Variants in SLC38A12 observed in about 807,000 individuals in gnomAD.
SLC38A12 encodes the protein putative sodium-coupled neutral amino acid transporter 12.
the SLC38A12 span, among the ~76,000 whole-genome samples, chr17:74,788,503 A>AGTATCACGTCTGCCCCC: frequency 6.6e-6 from 1 of 152,126 alleles, no homozygotes; most frequent in Non-Finnish European, 1.5e-5. Flanking sequence ...GGCTTGTCCC[A>AGTATCACGTCTGCCCCC]GTATCACGTC....
chr17:74,795,243 C>A, the SLC38A12 span: 1 of 775,956 alleles, frequency 1.3e-6, no homozygotes, highest in South Asian at 1.5e-5. Context: ...ATGCCCAGGC[C>A]CTTTTCTGCA....
At chr17:74,785,064 C>T in the SLC38A12 span, among the ~76,000 whole-genome samples, 3 of 152,084 alleles carry the variant, frequency 2.0e-5, no homozygotes, top group Admixed American at 6.5e-5. Flanking sequence ...GTCACATGCT[C>T]AGTGATCTTG....
the SLC38A12 span, among the ~76,000 whole-genome samples, chr17:74,815,797 G>A: frequency 6.6e-6 from 1 of 152,140 alleles, no homozygotes; most frequent in Non-Finnish European, 1.5e-5. Context: ...TCCATGGCTG[G>A]GCAGCTGACT....
the SLC38A12 span, chr17:74,795,156 T>G: frequency 6.6e-7 from 1 of 1,521,846 alleles, no homozygotes; most frequent in South Asian, 1.1e-5. Context: ...CCAAAGGGGC[T>G]TCCTCAGCAA....
chr17:74,805,074 A>C, the SLC38A12 span, among the ~76,000 whole-genome samples: 4 of 152,252 alleles, frequency 2.6e-5, no homozygotes, highest in Non-Finnish European at 4.4e-5. The surrounding 1 kb of genome is among the most constrained non-coding windows in gnomAD (Gnocchi z 5.0). Context: ...CCGCATTTTC[A>C]ACCAGTTCTG....
At chr17:74,839,244 CG>C in the SLC38A12 span, 1 of 1,390,964 alleles carries the variant, frequency 7.2e-7, no homozygotes, top group Non-Finnish European at 9.5e-7. Flanking sequence ...GGCACCATGA[CG>C]GGCCCCTAGC....
the SLC38A12 span, chr17:74,819,977 G>A: frequency 4.0e-6 from 3 of 743,674 alleles, no homozygotes; most frequent in East Asian, 7.9e-5. Context: ...AGGCCTGTCT[G>A]GTCCTCCCAC....
chr17:74,824,340 A>G, the SLC38A12 span, among the ~76,000 whole-genome samples: 1 of 152,190 alleles, frequency 6.6e-6, no homozygotes, highest in Non-Finnish European at 1.5e-5. Context: ...CAGGTAGACC[A>G]GGGATGCTGA....
chr17:74,824,268 C>A, the SLC38A12 span, among the ~76,000 whole-genome samples: 7 of 152,316 alleles, frequency 4.6e-5, no homozygotes, highest in South Asian at 1.2e-3. Context: ...AAGCTCTGAG[C>A]TGGGAGAATG....
the SLC38A12 span, among the ~76,000 whole-genome samples, chr17:74,812,821 C>T: frequency 6.6e-6 from 1 of 152,168 alleles, no homozygotes; most frequent in South Asian, 2.1e-4. Context: ...CAGAGAAATC[C>T]CCATCAGCCC....
At chr17:74,788,416 C>G in the SLC38A12 span, among the ~76,000 whole-genome samples, 4 of 152,126 alleles carry the variant, frequency 2.6e-5, no homozygotes, top group African/African-American at 9.7e-5. Flanking sequence ...GCTGGGGGGC[C>G]CTTTGTGAAC....
At chr17:74,836,309 C>T in the SLC38A12 span, 5 of 1,612,908 alleles carry the variant, frequency 3.1e-6, no homozygotes, top group Non-Finnish European at 4.2e-6. The surrounding 1 kb of genome is among the most constrained non-coding windows in gnomAD (Gnocchi z 4.2). Context: ...ACTTCCCCAT[C>T]ATTGCCGTGA....
At chr17:74,779,325 C>T in the SLC38A12 span, among the ~76,000 whole-genome samples, 1 of 152,116 alleles carries the variant, frequency 6.6e-6, no homozygotes, top group East Asian at 1.9e-4. Flanking sequence ...TCCATCTCCT[C>T]TGTGTTTTAT....
chr17:74,819,629 G>A, the SLC38A12 span: 1 of 895,248 alleles, frequency 1.1e-6, no homozygotes, highest in Non-Finnish European at 1.8e-6. Context: ...CAGTCCAGGT[G>A]TGCCCAAGTC....
the SLC38A12 span, among the ~76,000 whole-genome samples, chr17:74,830,835 G>A: frequency 1.3e-5 from 2 of 152,188 alleles, no homozygotes; most frequent in African/African-American, 2.4e-5. Flanking sequence ...GTCAGTGTGC[G>A]AGGGAGGGGA....
the SLC38A12 span, chr17:74,837,758 C>A: frequency 2.0e-6 from 2 of 985,876 alleles, no homozygotes; most frequent in African/African-American, 3.5e-5. Flanking sequence ...CAGCCATGCA[C>A]GCACTTGCTG....
At chr17:74,794,345 G>A in the SLC38A12 span, among the ~76,000 whole-genome samples, 2 of 152,222 alleles carry the variant, frequency 1.3e-5, no homozygotes, top group Non-Finnish European at 1.5e-5. Context: ...TGCAGCAGAA[G>A]TGTCAGTATC....
At chr17:74,833,965 A>G in the SLC38A12 span, among the ~76,000 whole-genome samples, 1 of 151,788 alleles carries the variant, frequency 6.6e-6, no homozygotes, top group East Asian at 1.9e-4. Context: ...CCCCCACCCC[A>G]TCCTGCTCAG....
chr17:74,838,737 C>T, the SLC38A12 span: 1 of 1,448,984 alleles, frequency 6.9e-7, no homozygotes, highest in East Asian at 2.5e-5. Context: ...CCGCTGACGG[C>T]CAATGGGGCT....
Sources: allele counts gnomAD v4.1 joint callset (sites outside exome capture counted in the v4.1 genomes callset), GRCh38; gene constraint gnomAD v4.1.1; non-coding constraint Gnocchi (gnomAD v3.1); transcripts MANE v1.5; gene names NCBI Gene and HGNC (gene_info 2026-07-23, HGNC 2026-07-21).